The following ESRRG variants were observed in gnomAD, a reference collection of about 807,000 sequenced individuals.
ESRRG encodes the protein estrogen-related receptor gamma.
A neutral mutation model predicts 44.0 loss-of-function variants in ESRRG; 13 were observed. That is an observed-to-expected ratio of 0.30 (90% CI 0.19 to 0.47). The LOEUF (loss-of-function observed/expected upper bound fraction) is 0.47. Ranked by LOEUF, ESRRG falls within the 20% of genes least tolerant of loss-of-function variation. The probability of loss-of-function intolerance (pLI) is 1.00; values close to 1 mark genes in which losing one functional copy is unlikely to be tolerated. For missense variants in ESRRG, 395 were observed against 580.6 expected (o/e 0.68, Z 3.29); for synonymous variants, 215 against 214.6 (o/e 1.00, Z -0.02).
intron 1 of ESRRG, among the ~76,000 whole-genome samples, chr1:216,710,342 A>G (rs1389516394): frequency 1.3e-5 from 2 of 152,204 alleles, no homozygotes; most frequent in Admixed American, 6.5e-5. Flanking sequence ...GCTGGAAACA[A>G]AGCCTGCCCA....
At chr1:216,530,784 A>G (rs529362138) in intron 5 of ESRRG, among the ~76,000 whole-genome samples, 1 of 152,318 alleles carries the variant, frequency 6.6e-6, no homozygotes, top group South Asian at 2.1e-4. Context: ...ATAACTTCAA[A>G]TCCTTTCAGA....
chr1:216,898,415 C>T (rs1431912476), intron 2 of ESRRG, among the ~76,000 whole-genome samples: 1 of 151,966 alleles, frequency 6.6e-6, no homozygotes, highest in Non-Finnish European at 1.5e-5. Context: ...TTCAGGAGCT[C>T]GAGACCAGCC....
intron 6 of ESRRG, among the ~76,000 whole-genome samples, chr1:216,508,595 G>C (rs2041858304): frequency 6.6e-6 from 1 of 152,140 alleles, no homozygotes; most frequent in African/African-American, 2.4e-5. Context: ...TTTCTACCCA[G>C]CTTCTCTCCA....
In ESRRG at chr1:216,787,599, CAAAAA is replaced by C. The variant is rs34433548; in HGVS notation, c.-13-110113_-13-110109del. ...CCTGGGTGACAGAGCAAGACTCCAT[CAAAAA>C]AAAAAAAAAAAAAAAAAAAATCCCG... On this transcript the variant is annotated intron_variant, in intron 2 of 7. Coordinates refer to the ESRRG transcript ENST00000359162. Among the ~76,000 whole-genome samples the C allele has an allele frequency of 2.3e-3, 175 of 76,442 alleles. 1 individual carries two copies. Among genetic ancestry groups the C allele is most frequent in the African/African-American group, 7.7e-3 (163 of 21,106 alleles). The allele number at this position is 76,442 out of a possible 152,430, so 50.1% of individuals were successfully genotyped here.
chr1:216,779,725 G>A (rs1032428590), intron 2 of ESRRG, among the ~76,000 whole-genome samples: 1 of 148,722 alleles, frequency 6.7e-6, no homozygotes, highest in Non-Finnish European at 1.5e-5. Context: ...CAAATATTGA[G>A]GTAATTAGAA....
Position 216,651,276 on chromosome 1 carries a change from G to A in ESRRG, c.473-187C>T, listed in dbSNP as rs535690484. On this transcript the variant is annotated intron_variant, in intron 2 of 6. Transcript: ENST00000408911. ...GCTATAATCACAAAAGATACATGGGGCAAGGAGAACAAACATGGTGAAATG... is the reference window on the plus strand; with the variant it reads ...GCTATAATCACAAAAGATACATGGGACAAGGAGAACAAACATGGTGAAATG... 9.2e-5 allele frequency among the ~76,000 whole-genome samples: 14 copies of A among 152,214 alleles called. 2 individuals carry two copies. Among genetic ancestry groups the A allele is most frequent in the African/African-American group, 3.4e-4 (14 of 41,544 alleles).
intron 1 of ESRRG, among the ~76,000 whole-genome samples, chr1:217,046,555 T>G (rs2084912798): frequency 6.6e-6 from 1 of 152,192 alleles, no homozygotes; most frequent in African/African-American, 2.4e-5. Context: ...ATAATAAAGT[T>G]GATTTTTGAG....
At chr1:216,577,004 C>T (rs371109096) in intron 3 of ESRRG, among the ~76,000 whole-genome samples, 4 of 152,006 alleles carry the variant, frequency 2.6e-5, no homozygotes, top group South Asian at 2.1e-4. Context: ...TTTATTTCTG[C>T]TCAAGAGGAG....
chr1:217,088,237 G>C (rs1032384896), intron 1 of ESRRG, among the ~76,000 whole-genome samples: 2 of 152,028 alleles, frequency 1.3e-5, no homozygotes, highest in Non-Finnish European at 2.9e-5. Flanking sequence ...TTCAAAACTA[G>C]ACCAAGTCAT....
chr1:216,869,762 G>A (rs1157121382), intron 2 of ESRRG, among the ~76,000 whole-genome samples: 1 of 151,852 alleles, frequency 6.6e-6, no homozygotes, highest in East Asian at 1.9e-4. Flanking sequence ...ATAGATCCTG[G>A]AAATATTTTA....
intron 1 of ESRRG, among the ~76,000 whole-genome samples, chr1:217,108,675 C>T (rs1232688521): frequency 2.6e-5 from 4 of 151,982 alleles, no homozygotes; most frequent in Non-Finnish European, 5.9e-5. Flanking sequence ...CTTGCTTCTG[C>T]TTCACCATGT....
chr1:216,655,961 C>T lies in ESRRG; in HGVS notation c.473-4872G>A, dbSNP rs2151131876. On this transcript the variant is annotated intron_variant, in intron 2 of 6. Coordinates refer to ENST00000408911, the MANE Select transcript of ESRRG (RefSeq NM_001438.4). Reference sequence around the variant, plus strand: ...ATTTTATCCTAAAAATGTGCTGCCCCAAGCACCTGGGTAACAATGTTACGT... The same window carrying T: ...ATTTTATCCTAAAAATGTGCTGCCCTAAGCACCTGGGTAACAATGTTACGT... Among the ~76,000 whole-genome samples the T allele has an allele frequency of 1.3e-5, 2 of 152,244 alleles. 1 individual carries two copies. The highest frequency in any genetic ancestry group is 4.2e-4 in the South Asian group (2 of 4,818).
chr1:216,743,157 G>C (rs549991861), intron 2 of ESRRG, among the ~76,000 whole-genome samples: 1 of 152,112 alleles, frequency 6.6e-6, no homozygotes, highest in African/African-American at 2.4e-5. Context: ...CTGTATAAAA[G>C]GTGTGCTTTA....
chr1:216,639,243 GAAC>G (rs1248827314), intron 3 of ESRRG, among the ~76,000 whole-genome samples: 3 of 152,046 alleles, frequency 2.0e-5, no homozygotes, highest in Admixed American at 1.3e-4. Flanking sequence ...GAAACTATGA[GAAC>G]AACAACAACA....
At chr1:216,869,683 G>C (rs560228408) in intron 2 of ESRRG, among the ~76,000 whole-genome samples, 2 of 152,074 alleles carry the variant, frequency 1.3e-5, no homozygotes, top group East Asian at 3.9e-4. Flanking sequence ...CATGAACATA[G>C]TGTATGTCTC....
intron 3 of ESRRG, among the ~76,000 whole-genome samples, chr1:216,629,846 A>G (rs911323564): frequency 1.3e-5 from 2 of 152,188 alleles, no homozygotes; most frequent in Non-Finnish European, 2.9e-5. Context: ...ACAGAGCTCA[A>G]ATTAAGAGGG....
At chr1:216,872,125 A>G (rs2096267265) in intron 2 of ESRRG, among the ~76,000 whole-genome samples, 1 of 152,046 alleles carries the variant, frequency 6.6e-6, no homozygotes, top group Non-Finnish European at 1.5e-5. Flanking sequence ...AATATGTGTC[A>G]CTTCCTTCTA....
chr1:216,804,032 T>TAA (rs5780927), intron 2 of ESRRG, among the ~76,000 whole-genome samples: 67 of 149,610 alleles, frequency 4.5e-4, no homozygotes, highest in Non-Finnish European at 7.4e-4. Context: ...TAAGGCAGAA[T>TAA]AAAAAAAAAA....
intron 1 of ESRRG, among the ~76,000 whole-genome samples, chr1:216,712,151 G>A (rs1237326480): frequency 4.6e-5 from 7 of 152,052 alleles, no homozygotes; most frequent in Admixed American, 6.5e-5. Context: ...TAAAGTCTTG[G>A]GTACATAGGC....
Sources: allele counts gnomAD v4.1 joint callset (sites outside exome capture counted in the v4.1 genomes callset), GRCh38; gene constraint gnomAD v4.1.1; transcripts MANE v1.5; gene names NCBI Gene and HGNC (gene_info 2026-07-23, HGNC 2026-07-21).